The following SAMD8 variants were observed in gnomAD, a reference collection of about 807,000 sequenced individuals.
The protein encoded by SAMD8 is sterile alpha motif domain containing 8, also known as sphingomyelin synthase-related protein 1.
SAMD8 carries 20 observed loss-of-function variants against 42.0 expected under a neutral mutation model. The observed-to-expected ratio is 0.48, with a 90% CI of 0.34 to 0.69. The LOEUF (loss-of-function observed/expected upper bound fraction) is 0.69. Ranked by LOEUF, SAMD8 falls within the 30% of genes least tolerant of loss-of-function variation. The pLI is 0.01. For synonymous variants in SAMD8, 162 were observed against 173.0 expected (o/e 0.94, Z 0.50); for missense variants, 328 against 511.6 (o/e 0.64, Z 3.46).
intron 3 of SAMD8, among the ~76,000 whole-genome samples, chr10:75,167,992 T>C (rs1401362014): frequency 6.6e-6 from 1 of 152,168 alleles, no homozygotes; most frequent in African/African-American, 2.4e-5. Context: ...TACTTTCTTT[T>C]AGCCATATTT....
intron 4 of SAMD8, among the ~76,000 whole-genome samples, chr10:75,168,892 G>T (rs1840759858): frequency 1.3e-5 from 2 of 152,270 alleles, no homozygotes; most frequent in South Asian, 4.1e-4. Context: ...GTTTCTTTCG[G>T]CCGGGCGCAG....
At chr10:75,110,385 AC>A (rs1336482380), upstream of SAMD8, among the ~76,000 whole-genome samples, 2 of 152,094 alleles carry the variant, frequency 1.3e-5, no homozygotes, top group African/African-American at 4.8e-5. Flanking sequence ...GAGATGTCTC[AC>A]CCTCTCTCAT....
upstream of SAMD8, among the ~76,000 whole-genome samples, chr10:75,107,405 T>C (rs545405077): frequency 2.5e-4 from 38 of 151,342 alleles, no homozygotes; most frequent in South Asian, 4.4e-3. Flanking sequence ...TACCAAATGG[T>C]GCTTTCCCAA....
intron 4 of SAMD8, among the ~76,000 whole-genome samples, chr10:75,173,037 T>C (rs1447364980): frequency 6.6e-6 from 1 of 152,178 alleles, no homozygotes; most frequent in Non-Finnish European, 1.5e-5. Flanking sequence ...AGGAGAGGGA[T>C]ATCCGTGCAT....
intron 1 of SAMD8, among the ~76,000 whole-genome samples, chr10:75,126,561 G>A (rs1283011707): frequency 6.7e-6 from 1 of 149,156 alleles, no homozygotes; most frequent in African/African-American, 2.5e-5. Context: ...GAGTACAATG[G>A]CATGATCATA....
upstream of SAMD8, among the ~76,000 whole-genome samples, chr10:75,107,066 T>C (rs141161486): frequency 1.3e-5 from 2 of 152,286 alleles, no homozygotes; most frequent in East Asian, 3.9e-4. Context: ...CCGGGTGCGG[T>C]GGCTCATGCC....
intron 3 of SAMD8, among the ~76,000 whole-genome samples, chr10:75,166,703 CAT>C (rs1255421150): frequency 3.3e-5 from 5 of 152,194 alleles, no homozygotes; most frequent in Non-Finnish European, 5.9e-5. Context: ...GGTTTTAAAA[CAT>C]GTGTATCATT....
At chr10:75,155,706 G>A (rs1387106631) in intron 2 of SAMD8, among the ~76,000 whole-genome samples, 1 of 152,212 alleles carries the variant, frequency 6.6e-6, no homozygotes, top group African/African-American at 2.4e-5. Context: ...AGTATTTGTT[G>A]TGACATTGTT....
chr10:75,133,052 G>A (rs754095823), intron 1 of SAMD8, among the ~76,000 whole-genome samples: 121 of 152,180 alleles, frequency 8.0e-4, no homozygotes, highest in Non-Finnish European at 1.6e-3. Flanking sequence ...CTGATTGACT[G>A]TTGGTGGAAA....
intron 4 of SAMD8, among the ~76,000 whole-genome samples, chr10:75,170,015 G>A (rs1840810893): frequency 6.6e-6 from 1 of 152,070 alleles, no homozygotes; most frequent in African/African-American, 2.4e-5. Context: ...GCTGACTTTT[G>A]GTTTTCATTT....
chr10:75,152,591 G>A (rs887377325), intron 2 of SAMD8, among the ~76,000 whole-genome samples: 8 of 151,740 alleles, frequency 5.3e-5, no homozygotes, highest in South Asian at 2.1e-4. Flanking sequence ...GGTGGCTCAT[G>A]CCTATAATCC....
intron 1 of SAMD8, among the ~76,000 whole-genome samples, chr10:75,100,321 C>T (rs1024697522): frequency 6.6e-6 from 1 of 152,170 alleles, no homozygotes; most frequent in African/African-American, 2.4e-5. Context: ...TCAGGCTCCA[C>T]CTAATGCCTT....
At chr10:75,162,054 A>G (rs1840569693) in intron 2 of SAMD8, among the ~76,000 whole-genome samples, 1 of 152,136 alleles carries the variant, frequency 6.6e-6, no homozygotes, top group South Asian at 2.1e-4. Flanking sequence ...ATAAATAAAT[A>G]AAAAATAAAA....
intron 1 of SAMD8, among the ~76,000 whole-genome samples, chr10:75,102,464 A>C (rs989953375): frequency 1.3e-5 from 2 of 152,116 alleles, no homozygotes; most frequent in African/African-American, 4.8e-5. Flanking sequence ...AAGAAAAAAC[A>C]AAAAGAAAAA....
intron 1 of SAMD8, among the ~76,000 whole-genome samples, chr10:75,103,690 G>A (rs1424240700): frequency 2.0e-5 from 3 of 152,246 alleles, no homozygotes; most frequent in African/African-American, 7.2e-5. Flanking sequence ...GGTCTCTGAG[G>A]TCTGAGCTCC....
chr10:75,170,043 T>C (rs1840811450), intron 4 of SAMD8, among the ~76,000 whole-genome samples: 1 of 152,216 alleles, frequency 6.6e-6, no homozygotes, highest in Non-Finnish European at 1.5e-5. Context: ...TGTGGATTTG[T>C]TTTGGTGTAC....
At chr10:75,138,779 CA>C (rs1702333661) in intron 1 of SAMD8, among the ~76,000 whole-genome samples, 1 of 152,044 alleles carries the variant, frequency 6.6e-6, no homozygotes, top group African/African-American at 2.4e-5. Context: ...AAATTCTAAC[CA>C]GAGGTCACCC....
At chr10:75,147,235 T>C (rs1840159557) in intron 1 of SAMD8, among the ~76,000 whole-genome samples, 1 of 152,188 alleles carries the variant, frequency 6.6e-6, no homozygotes, top group Non-Finnish European at 1.5e-5. Flanking sequence ...GGGAGTGACA[T>C]GGAACCCATT....
chr10:75,108,259 G>A, upstream of SAMD8: 2 of 1,542,434 alleles, frequency 1.3e-6, no homozygotes, highest in Admixed American at 3.8e-5. Context: ...ATGGGACCAG[G>A]AGGGAGGCTG....
Sources: allele counts gnomAD v4.1 joint callset (sites outside exome capture counted in the v4.1 genomes callset), GRCh38; gene constraint gnomAD v4.1.1; transcripts MANE v1.5; gene names NCBI Gene and HGNC (gene_info 2026-07-23, HGNC 2026-07-21).